SETD2: variants seen among roughly 807,000 people sequenced by gnomAD.
SETD2 encodes SET domain containing 2, histone lysine methyltransferase, also known as histone-lysine N-methyltransferase SETD2.
In SETD2, 31 loss-of-function variants were observed where a neutral mutation model predicts 242.1. That is an observed-to-expected ratio of 0.13 (90% confidence interval 0.10 to 0.17). SETD2 has a LOEUF of 0.17. Among genes scored for constraint, SETD2 ranks in the 10% least tolerant of loss-of-function variants. The pLI, the probability that SETD2 is intolerant of heterozygous loss-of-function variation, is 1.00. For missense variants in SETD2, 2,481 were observed against 3,046.3 expected (o/e 0.81, Z 4.37); for synonymous variants, 1,006 against 1,066.5 (o/e 0.94, Z 1.11).
chr3:47,047,911 G>T (rs1011858864), intron 15 of SETD2, among the ~76,000 whole-genome samples: 1 of 152,088 alleles, frequency 6.6e-6, no homozygotes, highest in African/African-American at 2.4e-5. Flanking sequence ...AAGTGTATGA[G>T]GTACTTACAC....
intron 6 of SETD2, chr3:47,105,623 A>T: frequency 2.3e-6 from 1 of 430,186 alleles, no homozygotes; most frequent in Non-Finnish European, 4.6e-6. Context: ...TTTGTCGCTT[A>T]ATATATTTTA....
chr3:47,128,481 TGAAAG>T (rs1304765840), intron 1 of SETD2, among the ~76,000 whole-genome samples: 1 of 152,234 alleles, frequency 6.6e-6, no homozygotes, highest in Non-Finnish European at 1.5e-5. Context: ...TCAATGTTCC[TGAAAG>T]GAAACATATA....
At chr3:47,037,881 C>G in intron 17 of SETD2, 104 bp from the exon 18 acceptor site, 1 of 810,786 alleles carries the variant, frequency 1.2e-6, no homozygotes, top group South Asian at 1.4e-5. Flanking sequence ...TACAATAAGA[C>G]ATAGAATAAG....
intron 5 of SETD2, among the ~76,000 whole-genome samples, chr3:47,107,208 A>T (rs145953057): frequency 6.6e-6 from 1 of 152,286 alleles, no homozygotes; most frequent in African/African-American, 2.4e-5. Flanking sequence ...GCCTGCCTGA[A>T]AGTCTTTTCT....
intron 1 of SETD2, among the ~76,000 whole-genome samples, chr3:47,140,825 T>C (rs2043710668): frequency 6.6e-6 from 1 of 152,142 alleles, no homozygotes; most frequent in African/African-American, 2.4e-5. Context: ...ATTGCGCCAT[T>C]GCACTCCAGC....
chr3:47,059,480 CGT>C (rs2040242671), intron 14 of SETD2, among the ~76,000 whole-genome samples: 1 of 134,592 alleles, frequency 7.4e-6, no homozygotes, highest in Admixed American at 7.5e-5. Flanking sequence ...AGTGCAGTGG[CGT>C]AATCTCAGCT....
intron 12 of SETD2, among the ~76,000 whole-genome samples, chr3:47,067,576 C>T (rs563774346): frequency 4.6e-4 from 70 of 151,790 alleles, no homozygotes; most frequent in African/African-American, 1.4e-3. Context: ...CACCATGCCC[C>T]GCTAATTTTT....
chr3:47,162,506 AAAT>A (rs1697519688), intron 1 of SETD2, among the ~76,000 whole-genome samples: 1 of 152,260 alleles, frequency 6.6e-6, no homozygotes, highest in South Asian at 2.1e-4. Context: ...TAGAAAAGCA[AAAT>A]AATGATTTAT....
chr3:47,070,928 G>T (rs1367570666), intron 12 of SETD2, among the ~76,000 whole-genome samples: 1 of 152,266 alleles, frequency 6.6e-6, no homozygotes, highest in Middle Eastern at 3.4e-3. Context: ...TAGCGATGGG[G>T]TCTTGCTCTG....
At position 47,164,028 on chromosome 3, in the gene SETD2, G is replaced by A; in HGVS notation, c.-104C>T. 1 of 1,224,726 alleles carries A rather than the reference G, an allele frequency of 8.2e-7. No homozygotes were observed. The highest frequency in any genetic ancestry group is 1.0e-6 in the Non-Finnish European group (1 of 978,214). The allele number at this position is 1,224,726 out of a possible 1,614,324, so 75.9% of individuals were successfully genotyped here. On this transcript the variant is annotated 5_prime_UTR_variant, in exon 1 of 21. Coordinates refer to ENST00000409792, the MANE Select transcript of SETD2 (RefSeq NM_014159.7). The surrounding 1 kb of genome is among the most constrained non-coding windows in gnomAD (Gnocchi z 5.4). The stretch of plus-strand genomic sequence containing the variant: ...AGGTCCGACCGCGGCGGCGGCGGCG[G>A]CGGCGGCGGCGGCGGCAGGGGCGGC...
intron 12 of SETD2, among the ~76,000 whole-genome samples, chr3:47,073,389 G>A (rs544704222): frequency 1.1e-4 from 16 of 152,196 alleles, no homozygotes; most frequent in African/African-American, 3.6e-4. Flanking sequence ...AGGCTAAGAG[G>A]GCCAAAGGGA....
chr3:47,027,803 T>G (rs2107510715), intron 18 of SETD2, among the ~76,000 whole-genome samples: 1 of 151,884 alleles, frequency 6.6e-6, no homozygotes, highest in South Asian at 2.1e-4. Context: ...TGTTTTTGTT[T>G]TTTTTTTTGA....
chr3:47,035,078 T>C (rs1409185857), intron 18 of SETD2, among the ~76,000 whole-genome samples: 3 of 152,204 alleles, frequency 2.0e-5, no homozygotes, highest in South Asian at 4.1e-4. Flanking sequence ...TCTGGGTGGT[T>C]GGATATAGTA....
In SETD2 at chr3:47,083,803, C is replaced by G. The variant is rs1255826196; in HGVS notation, c.5977G>C (p.Glu1993Gln). 6.2e-7 allele frequency: 1 copy of G among 1,614,166 alleles called. No individual in the cohort carries two copies. Among genetic ancestry groups the G allele is most frequent in the East Asian group, 2.2e-5 (1 of 44,878 alleles). ...TTATCTGGCTGTTCTTGGCTCCTTT[C>G]ACTCTCCACATCAGACACACCCTCC... ...EEEGVSDVESERSQEQPDKTV... is the reference protein window; with the variant it reads ...EEEGVSDVESQRSQEQPDKTV... Residue 1993 changes from glutamate (E) to glutamine (Q), a missense_variant, in exon 12 of 21, where the codon GAA becomes CAA. By Grantham distance (29) the Glu-to-Gln change is conservative (BLOSUM62 2). Coordinates refer to ENST00000409792, the MANE Select transcript of SETD2 (RefSeq NM_014159.7).
In SETD2 at chr3:47,086,191, T is replaced by C. The variant is rs2107645378; in HGVS notation, c.5397+4A>G. ...AGAAACAAGCAAGCTAAATGTGAACTGACCTCTTCCTGAAGCTTCTGGTTA... is the reference window on the plus strand; with the variant it reads ...AGAAACAAGCAAGCTAAATGTGAACCGACCTCTTCCTGAAGCTTCTGGTTA... On this transcript the variant is annotated splice_donor_region_variant and intron_variant, in intron 11 of 20. Transcript: ENST00000409792. 1 of 1,612,172 alleles carries C rather than the reference T, an allele frequency of 6.2e-7. No homozygotes were observed. The highest frequency in any genetic ancestry group is 8.5e-7 in the Non-Finnish European group (1 of 1,178,672).
At chr3:47,109,367 CA>C (rs556993809) in intron 5 of SETD2, among the ~76,000 whole-genome samples, 5 of 152,072 alleles carry the variant, frequency 3.3e-5, no homozygotes, top group Admixed American at 6.6e-5. Flanking sequence ...TAAAACGGGC[CA>C]GGGGTGGTGG....
At chr3:47,080,003 A>G (rs936099350) in intron 12 of SETD2, among the ~76,000 whole-genome samples, 1 of 152,252 alleles carries the variant, frequency 6.6e-6, no homozygotes, top group Non-Finnish European at 1.5e-5. Flanking sequence ...GTAAGAATTC[A>G]AAAATTATCA....
chr3:47,049,001 C>T (rs766493634), intron 15 of SETD2, among the ~76,000 whole-genome samples: 58 of 151,664 alleles, frequency 3.8e-4, no homozygotes, highest in Non-Finnish European at 6.2e-4. Flanking sequence ...ATTCTGTCAC[C>T]CAGGCTGGAA....
chr3:47,107,398 G>A lies in SETD2; in HGVS notation c.4716-1278C>T, dbSNP rs1575785981. Among the ~76,000 whole-genome samples, 3 of 151,960 alleles carry A rather than the reference G, an allele frequency of 2.0e-5. No individual in the cohort carries two copies. In the South Asian group the frequency reaches 6.2e-4, roughly 32 times the overall value. The stretch of plus-strand genomic sequence containing the variant: ...AAATAAAGCAATTAAAAACAAATGA[G>A]AAAAGAACACATATATTAAAAAGCA... On this transcript the variant is annotated intron_variant, in intron 5 of 20. Coordinates refer to ENST00000409792, the MANE Select transcript of SETD2 (RefSeq NM_014159.7).
Sources: allele counts gnomAD v4.1 joint callset (sites outside exome capture counted in the v4.1 genomes callset), GRCh38; gene constraint gnomAD v4.1.1; non-coding constraint Gnocchi (gnomAD v3.1); transcripts MANE v1.5; gene names NCBI Gene and HGNC (gene_info 2026-07-23, HGNC 2026-07-21).